ARAP3: variants seen among roughly 807,000 people sequenced by gnomAD.
ARAP3 encodes ArfGAP with RhoGAP domain, ankyrin repeat and PH domain 3.
A neutral mutation model predicts 169.2 loss-of-function variants in ARAP3; 82 were observed. The ratio of observed to expected loss-of-function variants is 0.48; its 90% CI spans 0.41 to 0.58. The LOEUF (loss-of-function observed/expected upper bound fraction) is 0.58, where lower values mean the gene tolerates loss of function less well. Among genes scored for constraint, ARAP3 ranks in the 20% least tolerant of loss-of-function variants. ARAP3 has a pLI of 0.00. For missense variants in ARAP3, 1,764 were observed against 2,018.0 expected, an observed-to-expected ratio of 0.87 and a Z score of 2.41; for synonymous variants, 791 against 800.3, an observed-to-expected ratio of 0.99 and a Z score of 0.20.
chr5:141,675,050 C>T (rs62380790), intron 4 of ARAP3, among the ~76,000 whole-genome samples: 24,467 of 152,204 alleles, frequency 0.16, 2,263 homozygotes, highest in Middle Eastern at 0.27. Context: ...AGGCCACTCC[C>T]CTGACTGCAT....
chr5:141,670,656 T>C lies in ARAP3; in HGVS notation c.1991-28A>G, dbSNP rs754549297. 3.1e-6 allele frequency: 5 copies of C among 1,597,780 alleles called. No homozygotes were observed. The African/African-American group carries it at 6.7e-5, about 21-fold the overall frequency. On this transcript the variant is annotated intron_variant, in intron 13 of 32. Coordinates refer to ENST00000239440, the MANE Select transcript of ARAP3 (RefSeq NM_022481.6). ...GCAAGGGGAAGGGGAAGTAGTCAGG[T>C]CAACCAAGTGCAACGGGATAACCTG...
chr5:141,658,557 C>T, intron 24 of ARAP3, 22 bp downstream of exon 24: 1 of 1,614,074 alleles, frequency 6.2e-7, no homozygotes, highest in Non-Finnish European at 8.5e-7. Flanking sequence ...CTTATTTCCC[C>T]TCCAGTCCCC....
Position 141,659,509 on chromosome 5 carries a change from C to CCGGAAGA in ARAP3, c.3268-34_3268-33insTCTTCCG, listed in dbSNP as rs750400138. The CCGGAAGA allele has an allele frequency of 2.7e-5, 44 of 1,608,640 alleles. No individual in the cohort carries two copies. In the African/African-American group the frequency reaches 5.3e-4, roughly 20 times the overall value. ...AGAGCCAAAAGAGAGTGTTGGGGTG[C>CCGGAAGA]TGGAAGAGGATCTGCCGGGAAGATC... is the stretch of plus-strand genomic sequence containing the variant. On this transcript the variant is annotated intron_variant, in intron 22 of 32. Transcript: ENST00000239440.
intron 4 of ARAP3, among the ~76,000 whole-genome samples, chr5:141,675,353 T>C (rs569075869): frequency 6.6e-6 from 1 of 152,164 alleles, no homozygotes; most frequent in Non-Finnish European, 1.5e-5. Flanking sequence ...ACCAGACACT[T>C]AAATGTGAAT....
chr5:141,670,546 TTTG>T lies in ARAP3; in HGVS notation c.2070_2072del (p.Asn690del), dbSNP rs2099911282. ...CCCTGCGAGGGGGTGAGGGTCCAGC[TTTG>T]TTGCTGACGGGACTGCAGTACAGGA... On this transcript the variant is annotated inframe_deletion, in exon 14 of 33. Transcript: ENST00000239440. 1 of 1,613,956 alleles carries T rather than the reference TTTG, an allele frequency of 6.2e-7. No homozygotes were observed. Among genetic ancestry groups the T allele is most frequent in the African/African-American group, 1.3e-5 (1 of 74,916 alleles).
Position 141,671,340 on chromosome 5 carries a change from C to G in ARAP3, c.1915G>C (p.Val639Leu). The G allele has an allele frequency of 1.2e-6, 2 of 1,613,812 alleles. No homozygotes were observed. The highest frequency in any genetic ancestry group is 1.7e-6 in the Non-Finnish European group (2 of 1,179,872). The change falls in exon 13 of 33, where the codon GTT becomes CTT. Residue 639 changes from valine to leucine, a missense_variant. Physicochemically the swap from Val to Leu is conservative, Grantham distance 32. This residue lies in a region of ARAP3 where 1,112 missense variants were observed against 1,285.7 expected (regional missense o/e 0.86). Transcript: ENST00000239440. The surrounding 1 kb of genome is among the most constrained non-coding windows in gnomAD (Gnocchi z 4.9). ...GGCTCCTCGCCTTCAAAGGCCTCAA[C>G]ACAGAGGAGCTGGGTCATGTTCTTC... ...LLKNMTQLLC[V>L]EAFEGEEPWF... is the part of the protein sequence containing the mutation.
chr5:141,672,585 C>T lies in ARAP3; in HGVS notation c.1352G>A (p.Ser451Asn). 6.2e-7 allele frequency: 1 copy of T among 1,614,148 alleles called. No individual in the cohort carries two copies. ...GCGATGGGGTGTGAGCAGGTCAAAG[C>T]TTCGACTCTTGGTCTCCCGGACGCT... ...GCSVRETKSRSFDLLTPHRCF... is the reference protein window; with the variant it reads ...GCSVRETKSRNFDLLTPHRCF... Residue 451 changes from serine (S) to asparagine (N), a missense_variant, in exon 9 of 33, where the codon AGC becomes AAC. Coordinates refer to ENST00000239440, the MANE Select transcript of ARAP3 (RefSeq NM_022481.6). This position sits in a 1 kb window ranked among gnomAD's most constrained non-coding sequence, Gnocchi z 4.9.
rs765455677 is a variant in ARAP3 at position 141,673,640 on chromosome 5, CA to C, written c.866del (p.Leu289ArgfsTer6). On this transcript the variant is annotated frameshift_variant, in exon 5 of 33. Coordinates refer to ENST00000239440, the MANE Select transcript of ARAP3 (RefSeq NM_022481.6). LOFTEE classifies it high-confidence loss of function. ...FSFTADRLTP[L>X]LSGWLDKLSP... ...AGAGCTTGTCTAGCCAGCCACTGAG[CA>C]GGGGCGTGAGGCGGTCTGCCGTGAA... 6.2e-7 allele frequency: 1 copy of C among 1,614,170 alleles called. No homozygotes were observed. Among genetic ancestry groups the C allele is most frequent in the South Asian group, 1.1e-5 (1 of 91,080 alleles).
In ARAP3 at chr5:141,665,033, C is replaced by T. The variant is rs541018224; in HGVS notation, c.2689G>A (p.Ala897Thr). 9.7e-5 allele frequency: 156 copies of T among 1,614,048 alleles called. No individual in the cohort carries two copies. In the South Asian group the frequency reaches 1.2e-3, roughly 13 times the overall value. Residue 897 changes from alanine to threonine, a missense_variant, in exon 19 of 33, where the codon GCC becomes ACC. This residue lies in a region of ARAP3 where 1,112 missense variants were observed against 1,285.7 expected (regional missense o/e 0.86). Coordinates refer to ENST00000239440, the MANE Select transcript of ARAP3 (RefSeq NM_022481.6). ...CCCCCACCAGCCGCGCCCCCAATGG[C>T]TGCGTTCCATGCCGTGAAGTCCAGC... The part of the protein sequence containing the change: ...GRLDFTAWNA[A>T]IGGAAGGGGT...
chr5:141,667,490 G>C (rs2099910819), intron 16 of ARAP3, among the ~76,000 whole-genome samples: 2 of 148,880 alleles, frequency 1.3e-5, no homozygotes, highest in African/African-American at 5.0e-5. Flanking sequence ...GTGGAGTACA[G>C]TGGCATGATC....
intron 4 of ARAP3, among the ~76,000 whole-genome samples, chr5:141,675,118 T>G (rs1350955882): frequency 6.6e-6 from 1 of 152,140 alleles, no homozygotes. Flanking sequence ...TCAGAGCCTT[T>G]GCACACGCTC....
At position 141,671,242 on chromosome 5, in the gene ARAP3, G is replaced by A; in HGVS notation, c.1990+23C>T. On this transcript the variant is annotated intron_variant, in intron 13 of 32. Coordinates refer to ENST00000239440, the MANE Select transcript of ARAP3 (RefSeq NM_022481.6). The surrounding 1 kb of genome is among the most constrained non-coding windows in gnomAD (Gnocchi z 4.9). ...GGTCTGAGAATTCCTGTAGGGGAGA[G>A]AGGAGGCACTTGGGGGAATGACCTG... The A allele has an allele frequency of 6.3e-7, 1 of 1,578,696 alleles. No homozygotes were observed.
Position 141,673,139 on chromosome 5 carries a change from G to A in ARAP3, c.973-6C>T, listed in dbSNP as rs750946647. 1.4e-5 allele frequency: 22 copies of A among 1,614,036 alleles called. No individual in the cohort carries two copies. Among genetic ancestry groups the A allele is most frequent in the Non-Finnish European group, 1.6e-5 (19 of 1,180,016 alleles). On this transcript the variant is annotated splice_polypyrimidine_tract_variant and splice_region_variant and intron_variant, in intron 6 of 32. Transcript: ENST00000239440. ...ACACCCTTAGGGAAGGGGTCCTGGA[G>A]AGAGAGAGCTCAATGACCCATGAGG... is the stretch of plus-strand genomic sequence containing the variant.
intron 4 of ARAP3, among the ~76,000 whole-genome samples, chr5:141,674,193 C>CCT (rs2099911848): frequency 6.6e-6 from 1 of 152,020 alleles, no homozygotes; most frequent in Non-Finnish European, 1.5e-5. Flanking sequence ...GAACTCCTGA[C>CCT]CTCAGGTGAT....
intron 4 of ARAP3, 34 bp downstream of exon 4, chr5:141,679,511 C>T (rs1368166509): frequency 6.3e-7 from 1 of 1,590,138 alleles, no homozygotes; most frequent in Non-Finnish European, 8.6e-7. Flanking sequence ...CTCACCTGCT[C>T]CTCCCTCCCA....
chr5:141,679,242 T>G (rs6874541), intron 4 of ARAP3, among the ~76,000 whole-genome samples: 1 of 152,122 alleles, frequency 6.6e-6, no homozygotes, highest in African/African-American at 2.4e-5. Flanking sequence ...TGAGCCGAGA[T>G]TGTGCCACTG....
chr5:141,680,587 A>C, intron 1 of ARAP3, 84 bp from the exon 2 acceptor site: 1 of 1,443,376 alleles, frequency 6.9e-7, no homozygotes. Flanking sequence ...GACAGTGAGC[A>C]CCAGCCTCCA....
At chr5:141,665,143 C>T in intron 18 of ARAP3, 58 bp from the exon 19 acceptor site, 1 of 1,571,546 alleles carries the variant, frequency 6.4e-7, no homozygotes, top group African/African-American at 1.4e-5. Context: ...TGCATGGGGA[C>T]CAGACTTCCC....
chr5:141,671,679 T>A lies in ARAP3; in HGVS notation c.1745A>T (p.His582Leu). 1 of 1,613,514 alleles carries A rather than the reference T, an allele frequency of 6.2e-7. No individual in the cohort carries two copies. The highest frequency in any genetic ancestry group is 8.5e-7 in the Non-Finnish European group (1 of 1,179,714). The change falls in exon 12 of 33, where the codon CAT (histidine) becomes CTT (leucine). Residue 582 changes from histidine to leucine, a missense_variant. His to Leu is a moderately conservative substitution (Grantham distance 99, BLOSUM62 -3). Transcript: ENST00000239440. The surrounding 1 kb of genome is among the most constrained non-coding windows in gnomAD (Gnocchi z 4.9). Reference protein sequence around the residue: ...AGTLPPGEGLHPDATPGPRGE... With the variant: ...AGTLPPGEGLLPDATPGPRGE... ...CCGGGGGCCAGGGGTCGCATCTGGATGTAGTCCCTCACCTGGGGGTAGGGT... is the reference window on the plus strand; with the variant it reads ...CCGGGGGCCAGGGGTCGCATCTGGAAGTAGTCCCTCACCTGGGGGTAGGGT...
Sources: allele counts gnomAD v4.1 joint callset (sites outside exome capture counted in the v4.1 genomes callset), GRCh38; gene constraint gnomAD v4.1.1; regional missense constraint gnomAD v4.1.1; non-coding constraint Gnocchi (gnomAD v3.1); transcripts MANE v1.5; gene names NCBI Gene and HGNC (gene_info 2026-07-23, HGNC 2026-07-21).